DIP2A: variants seen among roughly 807,000 people sequenced by gnomAD.
The protein encoded by DIP2A is disco-interacting protein 2 homolog A.
A neutral mutation model predicts 177.4 loss-of-function variants in DIP2A; 85 were observed. That is an observed-to-expected ratio of 0.48 (90% CI 0.40 to 0.57). The LOEUF (loss-of-function observed/expected upper bound fraction) is 0.57, where lower values mean the gene tolerates loss of function less well. DIP2A is among the 20% of genes least tolerant of loss of function. The pLI is 0.00. For synonymous variants in DIP2A, 886 were observed against 881.8 expected, an observed-to-expected ratio of 1.00 and a Z score of -0.08; for missense variants, 1,791 against 2,100.2, an observed-to-expected ratio of 0.85 and a Z score of 2.88.
At position 46,555,995 on chromosome 21, in the gene DIP2A, A is replaced by G. The variant is rs1325260739; in HGVS notation, c.3402A>G (p.Lys1134=). 3 of 1,613,528 alleles carry G rather than the reference A, an allele frequency of 1.9e-6. No homozygotes were observed. Among genetic ancestry groups the G allele is most frequent in the Non-Finnish European group, 2.5e-6 (3 of 1,179,676 alleles). Residue 1134 remains lysine (K), a synonymous_variant, in exon 29 of 38, where the codon AAA becomes AAG. Coordinates refer to ENST00000417564, the MANE Select transcript of DIP2A (RefSeq NM_015151.4). The stretch of plus-strand genomic sequence containing the variant: ...CCTGTTTAACAGATGACATCCCAAA[A>G]AAGAAGATAGCAAGCGTTTTCAGGC... The part of the protein sequence containing the change: ...PTILDTDDIP[K]KKIASVFRPP...
Position 46,545,219 on chromosome 21 carries a change from T to C in DIP2A, c.2259T>C (p.Ser753=). 6.2e-7 allele frequency: 1 copy of C among 1,610,080 alleles called. No homozygotes were observed. ...DEVGEICVSS[S]ATGTAYYGLL... ...TGGGAGAAATATGCGTCAGTTCCAG[T>C]GCAACTGGCACAGCGTACTATGGAT... is the stretch of plus-strand genomic sequence containing the variant. The change falls in exon 19 of 38, where the codon AGT becomes AGC. Residue 753 remains serine, a synonymous_variant. Transcript: ENST00000417564.
At chr21:46,570,934 A>G (rs1235145275), downstream of DIP2A, among the ~76,000 whole-genome samples, 1 of 152,246 alleles carries the variant, frequency 6.6e-6, no homozygotes, top group Non-Finnish European at 1.5e-5. Context: ...TCAGAAGCCA[A>G]AGCCAGAGAA....
chr21:46,539,828 G>C (rs1303076734), intron 16 of DIP2A, 49 bp from the exon 17 acceptor site: 11 of 1,476,644 alleles, frequency 7.4e-6, no homozygotes, highest in Non-Finnish European at 7.6e-6. Flanking sequence ...CCCCTTCCCT[G>C]CTGGCCCCCC....
chr21:46,472,464 T>C (rs1296822329), intron 1 of DIP2A, among the ~76,000 whole-genome samples: 1 of 152,144 alleles, frequency 6.6e-6, no homozygotes, highest in Non-Finnish European at 1.5e-5. Context: ...AGTGGCAATA[T>C]CATGAAATGT....
Position 46,537,448 on chromosome 21 carries a change from C to T in DIP2A, c.1710C>T (p.Ser570=), listed in dbSNP as rs369660860. 1.7e-5 allele frequency: 27 copies of T among 1,613,962 alleles called. No individual in the cohort carries two copies. The highest frequency in any genetic ancestry group is 1.6e-4 in the African/African-American group (12 of 74,918). ...DAGLWHGVLT[S]VMNRMHVVSV... Reference sequence around the variant, plus strand: ...TAAGCATGTGTGCTCCCCCACAGAGCGTCATGAACAGGATGCACGTGGTCA... The same window carrying T: ...TAAGCATGTGTGCTCCCCCACAGAGTGTCATGAACAGGATGCACGTGGTCA... Residue 570 remains serine, a splice_region_variant and synonymous_variant, in exon 15 of 38, where the codon AGC becomes AGT. Transcript: ENST00000417564. This position sits in a 1 kb window ranked among gnomAD's most constrained non-coding sequence, Gnocchi z 4.1.
At chr21:46,521,822 C>G (rs1432829219) in intron 8 of DIP2A, among the ~76,000 whole-genome samples, 1 of 152,228 alleles carries the variant, frequency 6.6e-6, no homozygotes, top group African/African-American at 2.4e-5. Context: ...ACAACTTGCT[C>G]AAACCTTCAG....
At chr21:46,534,341 A>G (rs998349293) in intron 12 of DIP2A, among the ~76,000 whole-genome samples, 4 of 152,144 alleles carry the variant, frequency 2.6e-5, no homozygotes, top group African/African-American at 9.7e-5. Flanking sequence ...GGATGCAGAC[A>G]GTTATGAGGG....
At chr21:46,486,962 G>T (rs1389168900) in intron 2 of DIP2A, among the ~76,000 whole-genome samples, 3 of 152,146 alleles carry the variant, frequency 2.0e-5, no homozygotes, top group Admixed American at 2.0e-4. Context: ...AATTACAAAG[G>T]CATATAGCCA....
chr21:46,579,829 T>A, the DIP2A span, among the ~76,000 whole-genome samples: 5 of 152,186 alleles, frequency 3.3e-5, no homozygotes, highest in African/African-American at 1.2e-4. Context: ...TGTTATAATT[T>A]CAGTTCTTTT....
chr21:46,486,556 TA>T (rs1230894839), intron 2 of DIP2A, among the ~76,000 whole-genome samples: 1 of 152,198 alleles, frequency 6.6e-6, no homozygotes, highest in African/African-American at 2.4e-5. Flanking sequence ...AAAAGTCTAG[TA>T]GAGAAATGGA....
Position 46,554,167 on chromosome 21 carries a change from A to T in DIP2A, c.3031-2A>T. 1 of 1,613,328 alleles carries T rather than the reference A, an allele frequency of 6.2e-7. No homozygotes were observed. Among genetic ancestry groups the T allele is most frequent in the Non-Finnish European group, 8.5e-7 (1 of 1,179,504 alleles). On this transcript the variant is annotated splice_acceptor_variant, in intron 25 of 37. Coordinates refer to ENST00000417564, the MANE Select transcript of DIP2A (RefSeq NM_015151.4). LOFTEE classifies it high-confidence loss of function. ...AGATGAGCTCAAAGATCGCTTTCCTAGGGCACCGTCACAAGCACTGCAACC... is the reference window on the plus strand; with the variant it reads ...AGATGAGCTCAAAGATCGCTTTCCTTGGGCACCGTCACAAGCACTGCAACC...
intron 8 of DIP2A, among the ~76,000 whole-genome samples, chr21:46,528,528 T>C (rs1156431523): frequency 2.5e-4 from 7 of 28,342 alleles, no homozygotes; most frequent in Admixed American, 1.6e-3. Flanking sequence ...TTCTGCTTGC[T>C]TTTTTTTTTT....
chr21:46,472,719 A>G (rs1001304095), intron 1 of DIP2A, among the ~76,000 whole-genome samples: 2 of 152,190 alleles, frequency 1.3e-5, no homozygotes, highest in Non-Finnish European at 2.9e-5. Context: ...GGGCTCACAC[A>G]TCCTAGTAAG....
chr21:46,528,421 GA>G (rs1326271008), intron 8 of DIP2A, among the ~76,000 whole-genome samples: 9 of 146,502 alleles, frequency 6.1e-5, no homozygotes, highest in African/African-American at 2.3e-4. Context: ...CTCATTTCTT[GA>G]AAATTTTACA....
At chr21:46,499,481 C>G (rs2057537040) in intron 5 of DIP2A, among the ~76,000 whole-genome samples, 1 of 152,148 alleles carries the variant, frequency 6.6e-6, no homozygotes, top group African/African-American at 2.4e-5. Flanking sequence ...TGTCTCTGTA[C>G]CTGGCTGGAA....
At chr21:46,520,001 A>C (rs930699419) in intron 8 of DIP2A, among the ~76,000 whole-genome samples, 1 of 150,676 alleles carries the variant, frequency 6.6e-6, no homozygotes. Context: ...CAGCCTCCCA[A>C]GTAGCTGGGA....
rs752542423 is a variant in DIP2A, at chr21:46,558,386, G to C, written c.3962G>C (p.Cys1321Ser). The change falls in exon 32 of 38, where the codon TGC becomes TCC. Residue 1321 changes from cysteine (C) to serine (S), a missense_variant. Physicochemically the swap from Cys to Ser is moderately radical, Grantham distance 112. Transcript: ENST00000417564. ...GGGTGCAGGGTCAACGTGGCCATCT[G>C]CCTCCAGGTGAGGTGCCTGGGGCTG... is the stretch of plus-strand genomic sequence containing the variant. ...TFGCRVNVAI[C>S]LQGTAGPDPT... The C allele has an allele frequency of 6.5e-6, 10 of 1,548,956 alleles. No homozygotes were observed. The highest frequency in any genetic ancestry group is 8.6e-6 in the Non-Finnish European group (10 of 1,156,348).
rs1472755554 is a variant in DIP2A, at chr21:46,458,909, G to T, written c.-223G>T. 3.7e-5 allele frequency: 9 copies of T among 246,340 alleles called. No individual in the cohort carries two copies. Among genetic ancestry groups the T allele is most frequent in the Middle Eastern group, 1.1e-3 (1 of 898 alleles). 15.3% of individuals were successfully genotyped at this position (246,340 alleles called of 1,614,324 possible). A position where few individuals can be genotyped will look rare whatever the true frequency, so the allele number is the denominator to read the frequency against. On this transcript the variant is annotated 5_prime_UTR_variant, in exon 1 of 38. Coordinates refer to ENST00000417564, the MANE Select transcript of DIP2A (RefSeq NM_015151.4). ...CGCTCCCGTGTAGGGCCGGCCGGGC[G>T]CTCAGGAGCGCGCGGGGCAGCGGCG...
intron 8 of DIP2A, among the ~76,000 whole-genome samples, chr21:46,526,521 A>G (rs2059102143): frequency 6.6e-6 from 1 of 151,334 alleles, no homozygotes. Context: ...CAGCCTCCTG[A>G]GTAGCTGGGA....
Sources: gnomAD v4.1 joint callset for allele counts (sites outside exome capture counted in the v4.1 genomes callset) on GRCh38, gnomAD v4.1.1 for gene constraint, Gnocchi (gnomAD v3.1) non-coding constraint, MANE v1.5 for transcripts, NCBI Gene and HGNC (gene_info 2026-07-23, HGNC 2026-07-21) for gene names.